RNF24: variants seen among roughly 807,000 people sequenced by gnomAD.
RNF24 encodes the protein ring finger protein 24.
A neutral mutation model predicts 20.0 loss-of-function variants in RNF24; 14 were observed. The observed-to-expected ratio is 0.70, with a 90% CI of 0.46 to 1.10. The LOEUF (loss-of-function observed/expected upper bound fraction) is 1.10, where lower values mean the gene tolerates loss of function less well. RNF24 is among the 50% of genes least tolerant of loss of function. The pLI is 0.00. For synonymous variants in RNF24, 45 were observed against 61.1 expected, an observed-to-expected ratio of 0.74 and a Z score of 1.23; for missense variants, 124 against 177.6, an observed-to-expected ratio of 0.70 and a Z score of 1.71.
chr20:4,008,380 AAT>A (rs1320067132), intron 1 of RNF24, among the ~76,000 whole-genome samples: 1 of 15,228 alleles, frequency 6.6e-5, no homozygotes, highest in Non-Finnish European at 1.6e-4. Flanking sequence ...TTATATATAT[AAT>A]ATATATATTA....
chr20:3,945,519 A>T (rs1325361460), intron 3 of RNF24, among the ~76,000 whole-genome samples: 1 of 152,172 alleles, frequency 6.6e-6, no homozygotes, highest in Non-Finnish European at 1.5e-5. Flanking sequence ...GTTTGAGACC[A>T]GCCTGGTCAA....
At chr20:4,003,401 T>C (rs1288405665) in intron 1 of RNF24, among the ~76,000 whole-genome samples, 1 of 152,184 alleles carries the variant, frequency 6.6e-6, no homozygotes, top group African/African-American at 2.4e-5. Context: ...CTAAGTTTCT[T>C]TGGAGGTCAA....
chr20:3,984,370 C>G (rs1445115966), intron 1 of RNF24, among the ~76,000 whole-genome samples: 3 of 152,188 alleles, frequency 2.0e-5, no homozygotes, highest in Admixed American at 2.0e-4. Flanking sequence ...CCTGGCAAGG[C>G]TGCATTTCTG....
At chr20:3,995,772 A>T (rs142681026) in intron 1 of RNF24, among the ~76,000 whole-genome samples, 1 of 152,134 alleles carries the variant, frequency 6.6e-6, no homozygotes, top group Non-Finnish European at 1.5e-5. Context: ...AACAACTGAG[A>T]CGATGGGGCA....
intron 1 of RNF24, among the ~76,000 whole-genome samples, chr20:3,997,247 A>G (rs545354485): frequency 1.8e-4 from 27 of 151,724 alleles, no homozygotes; most frequent in East Asian, 1.7e-3. Flanking sequence ...AAAAAAAAAA[A>G]AAAAGAAATA....
intron 2 of RNF24, among the ~76,000 whole-genome samples, chr20:3,955,965 T>C (rs1047678244): frequency 2.0e-5 from 3 of 152,198 alleles, no homozygotes; most frequent in Non-Finnish European, 1.5e-5. Context: ...AACTGATTTT[T>C]GTGTATTGAT....
chr20:3,962,780 G>T (rs1300613980), intron 2 of RNF24, among the ~76,000 whole-genome samples: 2 of 148,206 alleles, frequency 1.3e-5, no homozygotes, highest in African/African-American at 5.0e-5. Flanking sequence ...GCACGATCTT[G>T]GCTCACTGCA....
chr20:3,965,641 CA>C (rs561421977), intron 1 of RNF24, among the ~76,000 whole-genome samples: 324 of 152,194 alleles, frequency 2.1e-3, no homozygotes, highest in Non-Finnish European at 2.9e-3. Flanking sequence ...AGTGCTTTAC[CA>C]AATATACATA....
chr20:3,940,126 T>C (rs1276456506), intron 4 of RNF24, among the ~76,000 whole-genome samples: 2 of 152,018 alleles, frequency 1.3e-5, no homozygotes, highest in African/African-American at 4.8e-5. Context: ...ACCCAGCTAA[T>C]TTTGTATTTT....
chr20:3,973,265 T>C (rs1978536550), intron 1 of RNF24, among the ~76,000 whole-genome samples: 1 of 151,380 alleles, frequency 6.6e-6, no homozygotes, highest in South Asian at 2.1e-4. Context: ...ATAGGTAAAG[T>C]AGTGCTGAGT....
intron 1 of RNF24, among the ~76,000 whole-genome samples, chr20:3,964,895 T>C (rs946797404): frequency 6.6e-6 from 1 of 152,144 alleles, no homozygotes; most frequent in Non-Finnish European, 1.5e-5. Flanking sequence ...ACCCGGTATG[T>C]ACACAGCCAG....
intron 1 of RNF24, chr20:3,974,504 A>C: frequency 8.8e-7 from 1 of 1,133,898 alleles, no homozygotes. Context: ...CAACAACAAA[A>C]TCCCAAAGAA....
intron 1 of RNF24, among the ~76,000 whole-genome samples, chr20:3,989,422 C>T (rs1158354278): frequency 6.6e-6 from 1 of 151,102 alleles, no homozygotes; most frequent in African/African-American, 2.4e-5. Context: ...ACCCTGGAGG[C>T]GGAGCTTGCA....
At chr20:3,940,116 A>G (rs1371423512) in intron 4 of RNF24, among the ~76,000 whole-genome samples, 1 of 151,834 alleles carries the variant, frequency 6.6e-6, no homozygotes. Context: ...GCACCACCAC[A>G]CCCAGCTAAT....
At chr20:3,947,285 T>A (rs181471009) in intron 3 of RNF24, among the ~76,000 whole-genome samples, 6 of 152,224 alleles carry the variant, frequency 3.9e-5, no homozygotes, top group Non-Finnish European at 8.8e-5. Context: ...AAGCTGAAGC[T>A]CCCCTGTACC....
intron 1 of RNF24, among the ~76,000 whole-genome samples, chr20:3,999,723 C>T (rs970504841): frequency 6.4e-4 from 97 of 152,332 alleles, no homozygotes; most frequent in African/African-American, 2.0e-3. Context: ...CATTGTACTC[C>T]TGCATGGGCA....
At chr20:4,006,948 T>C (rs1305943568) in intron 1 of RNF24, among the ~76,000 whole-genome samples, 1 of 152,276 alleles carries the variant, frequency 6.6e-6, no homozygotes, top group Non-Finnish European at 1.5e-5. Context: ...CTAGTTGGAA[T>C]GCTCACAGTT....
intron 4 of RNF24, among the ~76,000 whole-genome samples, chr20:3,935,674 C>A (rs1345649520): frequency 6.6e-6 from 1 of 152,220 alleles, no homozygotes; most frequent in Non-Finnish European, 1.5e-5. Context: ...CTGCTCTCAG[C>A]CAATGACTAG....
chr20:3,983,961 A>G (rs891565274), intron 1 of RNF24, among the ~76,000 whole-genome samples: 2 of 151,062 alleles, frequency 1.3e-5, no homozygotes, highest in African/African-American at 4.9e-5. Context: ...AAAAAAAAAA[A>G]AAAACAAGTG....
Sources: gnomAD v4.1 joint callset for allele counts (sites outside exome capture counted in the v4.1 genomes callset) on GRCh38, gnomAD v4.1.1 for gene constraint, MANE v1.5 for transcripts, NCBI Gene and HGNC (gene_info 2026-07-23, HGNC 2026-07-21) for gene names.